The following DNM1 variants were observed in gnomAD, a reference collection of about 807,000 sequenced individuals.
DNM1 encodes the protein dynamin 1.
Under a neutral mutation model 104.6 loss-of-function variants are expected in DNM1, and 29 were observed. The ratio of observed to expected loss-of-function variants is 0.28; its 90% CI spans 0.21 to 0.38. The LOEUF (loss-of-function observed/expected upper bound fraction) is 0.38, where lower values mean the gene tolerates loss of function less well. Among genes scored for constraint, DNM1 ranks in the 10% least tolerant of loss-of-function variants. The pLI is 1.00. For missense variants in DNM1, 640 were observed against 1,189.4 expected (o/e 0.54, Z 6.79); for synonymous variants, 445 against 475.8 (o/e 0.94, Z 0.84).
rs185129721 is a variant in DNM1 at position 128,218,794 on chromosome 9, G to C, written c.385+63G>C. Reference sequence around the variant, plus strand: ...TTTTCTTGGCCACGCACCTCTGCGTGCCTCGCTCCTCCTGCAGACTCCGCC... The same window carrying C: ...TTTTCTTGGCCACGCACCTCTGCGTCCCTCGCTCCTCCTGCAGACTCCGCC... On this transcript the variant is annotated intron_variant, in intron 3 of 21. Transcript: ENST00000372923. This position sits in a 1 kb window ranked among gnomAD's most constrained non-coding sequence, Gnocchi z 4.8. 5.2e-4 allele frequency: 779 copies of C among 1,511,970 alleles called. 4 individuals are homozygous for C. In the African/African-American group the frequency reaches 0.01, roughly 19 times the overall value. The allele number at this position is 1,511,970 out of a possible 1,614,324, so 93.7% of individuals were successfully genotyped here.
chr9:128,227,949 A>T lies in DNM1; in HGVS notation c.1335+3560A>T, dbSNP rs547446150. On this transcript the variant is annotated intron_variant, in intron 10 of 21. Transcript: ENST00000372923. Reference sequence around the variant, plus strand: ...TCACTGTAGGCTCAAACTGGGCTCAAGCGATCCTCCCGCCTCAGCCTCCCA... The same window carrying T: ...TCACTGTAGGCTCAAACTGGGCTCATGCGATCCTCCCGCCTCAGCCTCCCA... Among the ~76,000 whole-genome samples the T allele has an allele frequency of 5.3e-5, 8 of 152,194 alleles. No homozygotes were observed. The East Asian group carries it at 1.5e-3, about 29-fold the overall frequency.
Position 128,220,742 on chromosome 9 carries a change from C to CGCGCGCGCGTGTGTGTGTGT in DNM1, c.849+402_849+403insCGCGCGCGTGTGTGTGTGTG, listed in dbSNP as rs61020870. On this transcript the variant is annotated intron_variant, in intron 6 of 21. Coordinates refer to ENST00000372923, the MANE Select transcript of DNM1 (RefSeq NM_004408.4). This position sits in a 1 kb window ranked among gnomAD's most constrained non-coding sequence, Gnocchi z 5.2. The stretch of plus-strand genomic sequence containing the variant: ...CAGAACTGAAGTGCGCGCGCGCGCG[C>CGCGCGCGCGTGTGTGTGTGT]GTGTGTGTGTGTGTGTGTGTGTGTG... 2.9e-5 allele frequency among the ~76,000 whole-genome samples: 4 copies of CGCGCGCGCGTGTGTGTGTGT among 136,360 alleles called. No homozygotes were observed. The highest frequency in any genetic ancestry group is 1.1e-4 in the African/African-American group (4 of 37,806). The allele number at this position is 136,360 out of a possible 152,430, so 89.5% of individuals were successfully genotyped here. A position where few individuals can be genotyped will look rare whatever the true frequency, so the allele number is the denominator to read the frequency against.
rs1834780522 is a variant in DNM1, at chr9:128,218,991, A to C, written c.386-58A>C. 25 of 1,590,054 alleles carry C rather than the reference A, an allele frequency of 1.6e-5. No individual in the cohort carries two copies. Among genetic ancestry groups the C allele is most frequent in the Non-Finnish European group, 2.1e-5 (25 of 1,163,896 alleles). On this transcript the variant is annotated intron_variant, in intron 3 of 21. Coordinates refer to ENST00000372923, the MANE Select transcript of DNM1 (RefSeq NM_004408.4). This position sits in a 1 kb window ranked among gnomAD's most constrained non-coding sequence, Gnocchi z 4.8. ...CTTCTCTAACCCCGCCCTATTCTTTAACCTCGCCCGCGGCCACGCCCCTCG... is the reference window on the plus strand; with the variant it reads ...CTTCTCTAACCCCGCCCTATTCTTTCACCTCGCCCGCGGCCACGCCCCTCG...
chr9:128,250,632 G>A, intron 20 of DNM1, 93 bp from the exon 21 acceptor site: 1 of 1,164,864 alleles, frequency 8.6e-7, no homozygotes, highest in Non-Finnish European at 1.1e-6. Context: ...TTGCGTGCAT[G>A]GGCGTGGCCA....
At chr9:128,231,060 C>G (rs1835655170) in intron 10 of DNM1, among the ~76,000 whole-genome samples, 1 of 152,178 alleles carries the variant, frequency 6.6e-6, no homozygotes, top group South Asian at 2.1e-4. Context: ...GCCTCGACCT[C>G]CCAAAGTGCT....
At chr9:128,252,127 A>C in intron 21 of DNM1, 1 of 204,646 alleles carries the variant, frequency 4.9e-6, no homozygotes, top group Non-Finnish European at 9.9e-6. Context: ...AAATGATGAC[A>C]TTCTGCCTTT....
intron 1 of DNM1, among the ~76,000 whole-genome samples, chr9:128,209,515 G>A (rs895627904): frequency 2.0e-5 from 3 of 152,168 alleles, no homozygotes; most frequent in Non-Finnish European, 4.4e-5. Flanking sequence ...AAATCAAGCT[G>A]AGGAATTGCT....
chr9:128,238,106 A>G (rs575496209), intron 11 of DNM1, among the ~76,000 whole-genome samples: 1 of 151,408 alleles, frequency 6.6e-6, no homozygotes, highest in Admixed American at 6.6e-5. Flanking sequence ...AATATTGCCA[A>G]ATTGCCCTCA....
chr9:128,247,623 CACT>C lies in DNM1; in HGVS notation c.1893+138_1893+140del. ...AATAATAGGAATCCTCCCCCCTACC[CACT>C]CTGGGGGTGGGAACAGAGATAAGTC... On this transcript the variant is annotated intron_variant, in intron 17 of 21. Coordinates refer to ENST00000372923, the MANE Select transcript of DNM1 (RefSeq NM_004408.4). The surrounding 1 kb of genome is among the most constrained non-coding windows in gnomAD (Gnocchi z 5.1). The C allele has an allele frequency of 1.3e-6, 1 of 768,990 alleles. No homozygotes were observed. The highest frequency in any genetic ancestry group is 2.1e-6 in the Non-Finnish European group (1 of 469,098). The allele number at this position is 768,990 out of a possible 1,614,324, so 47.6% of individuals were successfully genotyped here. A position where few individuals can be genotyped will look rare whatever the true frequency, so the allele number is the denominator to read the frequency against.
Position 128,203,402 on chromosome 9 carries a change from G to GCGGAGC in DNM1, c.-63_-58dup, listed in dbSNP as rs1157296424. The GCGGAGC allele has an allele frequency of 1.5e-6, 2 of 1,330,160 alleles. No homozygotes were observed. Among genetic ancestry groups the GCGGAGC allele is most frequent in the African/African-American group, 3.1e-5 (2 of 64,496 alleles). The allele number at this position is 1,330,160 out of a possible 1,614,324, so 82.4% of individuals were successfully genotyped here. A position where few individuals can be genotyped will look rare whatever the true frequency, so the allele number is the denominator to read the frequency against. On this transcript the variant is annotated 5_prime_UTR_variant, in exon 1 of 22. Coordinates refer to ENST00000372923, the MANE Select transcript of DNM1 (RefSeq NM_004408.4). The surrounding 1 kb of genome is among the most constrained non-coding windows in gnomAD (Gnocchi z 5.3). Reference sequence around the variant, plus strand: ...GCAGTCTGGGCGCGCGGCTGCAGCGGCGGAGCCGGAGTCGGAGCCGGGAGC... The same window carrying GCGGAGC: ...GCAGTCTGGGCGCGCGGCTGCAGCGGCGGAGCCGGAGCCGGAGTCGGAGCCGGGAGC...
intron 10 of DNM1, among the ~76,000 whole-genome samples, chr9:128,230,445 T>C (rs1588396490): frequency 7.4e-6 from 1 of 134,578 alleles, no homozygotes; most frequent in East Asian, 2.3e-4. Flanking sequence ...TTATTTATTT[T>C]TATTATTACT....
rs937691813 is a variant in DNM1, at chr9:128,222,915, C to T, written c.1196+55C>T. On this transcript the variant is annotated intron_variant, in intron 9 of 21. Transcript: ENST00000372923. This position sits in a 1 kb window ranked among gnomAD's most constrained non-coding sequence, Gnocchi z 7.8. ...AACCCCAGAAGTAGGGGGTCTGGGA[C>T]AGAGGCACAGGGAGTGATGAAGTGG... 2.6e-6 allele frequency: 4 copies of T among 1,551,008 alleles called. No individual in the cohort carries two copies. In the Admixed American group the frequency reaches 6.7e-5, roughly 26 times the overall value.
At chr9:128,244,645 C>G in intron 15 of DNM1, 1 of 447,758 alleles carries the variant, frequency 2.2e-6, no homozygotes, top group Non-Finnish European at 4.8e-6. Flanking sequence ...CCGCCCTGTG[C>G]CCCAACCCCC....
At chr9:128,230,683 C>T (rs1344180790) in intron 10 of DNM1, among the ~76,000 whole-genome samples, 2 of 152,068 alleles carry the variant, frequency 1.3e-5, no homozygotes, top group East Asian at 1.9e-4. Flanking sequence ...AACTCCTGAC[C>T]TCAGGTGATC....
chr9:128,253,152 C>T lies in DNM1; in HGVS notation c.2535-1502C>T. 6.2e-7 allele frequency: 1 copy of T among 1,602,536 alleles called. No individual in the cohort carries two copies. The highest frequency in any genetic ancestry group is 8.5e-7 in the Non-Finnish European group (1 of 1,179,578). On this transcript the variant is annotated intron_variant, in intron 21 of 21. Transcript: ENST00000372923. This position sits in a 1 kb window ranked among gnomAD's most constrained non-coding sequence, Gnocchi z 5.9. ...CGTCAGCCATGGTAGGTACATGCCT[C>T]ACCGCCTGCTGCATGAACGGTGTGT...
In DNM1 at chr9:128,250,282, C is replaced by T; in HGVS notation, c.2244C>T (p.Thr748=). 1.2e-6 allele frequency: 2 copies of T among 1,612,906 alleles called. No homozygotes were observed. The highest frequency in any genetic ancestry group is 1.1e-5 in the South Asian group (1 of 90,936). ...GCATCATCGGCGACATCAACACGACCACCGTCAGCACGCCCATGCCCCCGC... is the reference window on the plus strand; with the variant it reads ...GCATCATCGGCGACATCAACACGACTACCGTCAGCACGCCCATGCCCCCGC... ...ALSIIGDINT[T]TVSTPMPPPV... Residue 748 remains threonine (T), a synonymous_variant, in exon 20 of 22, where the codon ACC becomes ACT. Coordinates refer to ENST00000372923, the MANE Select transcript of DNM1 (RefSeq NM_004408.4).
At chr9:128,212,962 A>T (rs1252958378) in intron 1 of DNM1, among the ~76,000 whole-genome samples, 1 of 152,228 alleles carries the variant, frequency 6.6e-6, no homozygotes, top group Non-Finnish European at 1.5e-5. Context: ...ACAGTCAGCA[A>T]TTCATCAGTG....
At chr9:128,212,136 A>G (rs900927250) in intron 1 of DNM1, among the ~76,000 whole-genome samples, 24 of 152,246 alleles carry the variant, frequency 1.6e-4, no homozygotes, top group African/African-American at 4.8e-4. Flanking sequence ...GGACCTGCCA[A>G]TGGGCACCCC....
chr9:128,230,336 G>GA (rs1835604673), intron 10 of DNM1, among the ~76,000 whole-genome samples: 1 of 150,456 alleles, frequency 6.6e-6, no homozygotes, highest in Admixed American at 6.6e-5. Context: ...GTATTTTGGA[G>GA]AAAAAATAAT....
Sources: allele counts gnomAD v4.1 joint callset (sites outside exome capture counted in the v4.1 genomes callset), GRCh38; gene constraint gnomAD v4.1.1; non-coding constraint Gnocchi (gnomAD v3.1); transcripts MANE v1.5; gene names NCBI Gene and HGNC (gene_info 2026-07-23, HGNC 2026-07-21).